Variants in NCK2 observed in about 807,000 individuals in gnomAD.
NCK2 encodes the protein cytoplasmic protein NCK2.
In NCK2, 16 loss-of-function variants were observed where a neutral mutation model predicts 33.9. That is an observed-to-expected ratio of 0.47 (90% CI 0.32 to 0.72). The LOEUF (loss-of-function observed/expected upper bound fraction) is 0.72, where lower values mean the gene tolerates loss of function less well. Ranked by LOEUF, NCK2 falls within the 30% of genes least tolerant of loss-of-function variation. NCK2 has a pLI of 0.03. For missense variants in NCK2, 418 were observed against 537.3 expected (o/e 0.78, Z 2.19); for synonymous variants, 273 against 239.9 (o/e 1.14, Z -1.27).
At chr2:105,834,461 A>G (rs1676313933) in intron 2 of NCK2, among the ~76,000 whole-genome samples, 1 of 152,022 alleles carries the variant, frequency 6.6e-6, no homozygotes, top group African/African-American at 2.4e-5. Flanking sequence ...TGGTATAAGT[A>G]TAGCTACTCT....
chr2:105,744,674 C>G (rs1689197598), upstream of NCK2, among the ~76,000 whole-genome samples: 1 of 151,776 alleles, frequency 6.6e-6, no homozygotes, highest in Non-Finnish European at 1.5e-5. Context: ...CCCGCGCTAT[C>G]CCGGCGCCCG....
chr2:105,801,302 T>C (rs1674825655), intron 1 of NCK2, among the ~76,000 whole-genome samples: 1 of 152,104 alleles, frequency 6.6e-6, no homozygotes, highest in African/African-American at 2.4e-5. Context: ...TTGGACGTCA[T>C]TGTAGGGATC....
chr2:105,764,914 G>C (rs1232711497), intron 1 of NCK2, among the ~76,000 whole-genome samples: 1 of 151,938 alleles, frequency 6.6e-6, no homozygotes, highest in Non-Finnish European at 1.5e-5. Flanking sequence ...AGTTGAAAGC[G>C]CCACACTTGC....
intron 2 of NCK2, among the ~76,000 whole-genome samples, chr2:105,841,160 G>A (rs1362986243): frequency 6.6e-6 from 1 of 152,212 alleles, no homozygotes; most frequent in African/African-American, 2.4e-5. Context: ...GATGTAAAAT[G>A]TAGATTTACT....
intron 4 of NCK2, among the ~76,000 whole-genome samples, chr2:105,883,167 A>C (rs1465748708): frequency 6.6e-6 from 1 of 152,186 alleles, no homozygotes; most frequent in Non-Finnish European, 1.5e-5. Flanking sequence ...GCTGAAAGCT[A>C]ACTTCATCTG....
chr2:105,835,424 T>TAA (rs1553458625), intron 2 of NCK2, among the ~76,000 whole-genome samples: 8 of 122,544 alleles, frequency 6.5e-5, no homozygotes, highest in African/African-American at 2.0e-4. Flanking sequence ...TATATATATA[T>TAA]TTTTTTTTTG....
chr2:105,834,662 A>G (rs964316102), intron 2 of NCK2, among the ~76,000 whole-genome samples: 1 of 150,366 alleles, frequency 6.7e-6, no homozygotes, highest in African/African-American at 2.4e-5. Context: ...TTTTTTTTTC[A>G]ATTTTAATTT....
chr2:105,747,524 A>G (rs537790329), intron 1 of NCK2, among the ~76,000 whole-genome samples: 25 of 152,306 alleles, frequency 1.6e-4, no homozygotes, highest in African/African-American at 5.8e-4. Flanking sequence ...GGGCTTGCGG[A>G]AATCATTCTC....
At chr2:105,842,817 G>C (rs1676699414) in intron 2 of NCK2, among the ~76,000 whole-genome samples, 1 of 151,904 alleles carries the variant, frequency 6.6e-6, no homozygotes, top group South Asian at 2.1e-4. Context: ...GGAGAGGGCG[G>C]CTGTGGTTTT....
At chr2:105,815,438 G>C (rs1675444845) in intron 1 of NCK2, among the ~76,000 whole-genome samples, 1 of 152,142 alleles carries the variant, frequency 6.6e-6, no homozygotes, top group Admixed American at 6.6e-5. Context: ...GATCTTCTGT[G>C]AGTGAACTGT....
chr2:105,783,213 T>C (rs1253487479), intron 1 of NCK2, among the ~76,000 whole-genome samples: 2 of 152,230 alleles, frequency 1.3e-5, no homozygotes, highest in African/African-American at 4.8e-5. Context: ...TAAGATGATA[T>C]GTAATCTTTT....
chr2:105,863,778 C>G (rs1175722534), intron 3 of NCK2, among the ~76,000 whole-genome samples: 2 of 152,114 alleles, frequency 1.3e-5, no homozygotes, highest in Non-Finnish European at 1.5e-5. Context: ...CTTCGATCAC[C>G]TGCATTCAAA....
At chr2:105,829,410 A>G (rs2104517525) in intron 2 of NCK2, among the ~76,000 whole-genome samples, 1 of 152,314 alleles carries the variant, frequency 6.6e-6, no homozygotes, top group East Asian at 1.9e-4. Context: ...AAATTGGTCC[A>G]TTATTAAGTA....
intron 1 of NCK2, among the ~76,000 whole-genome samples, chr2:105,783,677 G>A (rs1690575357): frequency 6.6e-6 from 1 of 152,010 alleles, no homozygotes; most frequent in African/African-American, 2.4e-5. Context: ...AATATTCTGG[G>A]TAATAGCCCT....
chr2:105,830,300 C>T (rs867835821), intron 2 of NCK2, among the ~76,000 whole-genome samples: 3 of 152,162 alleles, frequency 2.0e-5, no homozygotes, highest in Non-Finnish European at 2.9e-5. Flanking sequence ...GTAGCTCCCA[C>T]GTGAGTGAGA....
intron 2 of NCK2, among the ~76,000 whole-genome samples, chr2:105,842,485 A>T (rs936647069): frequency 6.8e-6 from 1 of 146,938 alleles, no homozygotes; most frequent in Non-Finnish European, 1.5e-5. Flanking sequence ...TATATACATT[A>T]AAAAAATAAA....
chr2:105,818,145 G>A (rs1462673523), intron 2 of NCK2, among the ~76,000 whole-genome samples: 1 of 151,718 alleles, frequency 6.6e-6, no homozygotes, highest in Non-Finnish European at 1.5e-5. Flanking sequence ...GGATGAAGCT[G>A]GAAACCATCA....
At chr2:105,745,342 G>A (rs987152992) in intron 1 of NCK2, among the ~76,000 whole-genome samples, 1 of 151,736 alleles carries the variant, frequency 6.6e-6, no homozygotes, top group African/African-American at 2.4e-5. Context: ...TCCCGGCTCT[G>A]CACCTTCCTG....
At chr2:105,826,262 C>T (rs1215456513) in intron 2 of NCK2, among the ~76,000 whole-genome samples, 1 of 152,066 alleles carries the variant, frequency 6.6e-6, no homozygotes. Flanking sequence ...CCTGAGAACT[C>T]AGTATCACCA....
Sources: allele counts gnomAD v4.1 joint callset (sites outside exome capture counted in the v4.1 genomes callset), GRCh38; gene constraint gnomAD v4.1.1; transcripts MANE v1.5; gene names NCBI Gene and HGNC (gene_info 2026-07-23, HGNC 2026-07-21).